CMIP: variants seen among roughly 807,000 people sequenced by gnomAD.
CMIP encodes C-Maf-inducing protein.
CMIP carries 13 observed loss-of-function variants against 97.3 expected under a neutral mutation model. The ratio of observed to expected loss-of-function variants is 0.13; its 90% CI spans 0.09 to 0.21. The LOEUF is 0.21. CMIP is among the 10% of genes least tolerant of loss of function. The pLI, the probability that CMIP is intolerant of heterozygous loss-of-function variation, is 1.00. For missense variants in CMIP, 847 were observed against 1,024.9 expected (o/e 0.83, Z 2.37); for synonymous variants, 538 against 436.3 (o/e 1.23, Z -2.91).
At chr16:81,669,907 C>G (rs551765973) in intron 7 of CMIP, among the ~76,000 whole-genome samples, 11 of 152,348 alleles carry the variant, frequency 7.2e-5, no homozygotes, top group Admixed American at 3.3e-4. Context: ...TTCTCTACAG[C>G]CAGAAGCACC....
intron 3 of CMIP, among the ~76,000 whole-genome samples, chr16:81,648,777 T>G (rs1407365730): frequency 9.8e-6 from 1 of 101,848 alleles, no homozygotes; most frequent in Non-Finnish European, 1.8e-5. Context: ...AGCAAGACTC[T>G]GTCTCAGAAA....
At chr16:81,560,326 C>T (rs1477418858) in intron 1 of CMIP, among the ~76,000 whole-genome samples, 1 of 151,424 alleles carries the variant, frequency 6.6e-6, no homozygotes, top group Non-Finnish European at 1.5e-5. Context: ...TCACGCCATT[C>T]TCCTGCCTCA....
At chr16:81,511,597 G>A (rs57021654) in intron 1 of CMIP, among the ~76,000 whole-genome samples, 2,102 of 152,258 alleles carry the variant, frequency 0.014, 64 homozygotes, top group African/African-American at 0.048. Context: ...GTCTCACTCT[G>A]TTGCTCAGGC....
At position 81,481,550 on chromosome 16, in the gene CMIP, G is replaced by C. The variant is rs190286662; in HGVS notation, c.300+36009G>C. ...TCTGCGTGGGATGGGGCCATGCCAG[G>C]GCCAGAGCGGCTCCCAGAGGGTGCT... On this transcript the variant is annotated intron_variant, in intron 1 of 20. Coordinates refer to ENST00000537098, the MANE Select transcript of CMIP (RefSeq NM_198390.3). Among the ~76,000 whole-genome samples, 4 of 152,332 alleles carry C rather than the reference G, an allele frequency of 2.6e-5. No individual in the cohort carries two copies. In the East Asian group the frequency reaches 7.7e-4, roughly 29 times the overall value.
chr16:81,525,965 T>A (rs2090123568), intron 1 of CMIP, among the ~76,000 whole-genome samples: 1 of 147,406 alleles, frequency 6.8e-6, no homozygotes, highest in Non-Finnish European at 1.5e-5. Context: ...GTTTAAAGGT[T>A]GACTAATAAT....
At chr16:81,551,379 A>G (rs2090655743) in intron 1 of CMIP, among the ~76,000 whole-genome samples, 1 of 152,264 alleles carries the variant, frequency 6.6e-6, no homozygotes, top group Non-Finnish European at 1.5e-5. Context: ...TTAGCAAGTG[A>G]CAAATGGGAC....
intron 1 of CMIP, among the ~76,000 whole-genome samples, chr16:81,605,906 A>G (rs1171460199): frequency 1.3e-5 from 2 of 152,268 alleles, no homozygotes; most frequent in Non-Finnish European, 2.9e-5. Context: ...TGAATGAAGG[A>G]ATGAATGAAA....
intron 1 of CMIP, chr16:81,603,300 C>T (rs1378868523): frequency 2.3e-6 from 1 of 432,976 alleles, no homozygotes; most frequent in African/African-American, 2.0e-5. Flanking sequence ...CCAGGATGGT[C>T]TCGATCAAGG....
intron 7 of CMIP, chr16:81,665,645 AAG>A (rs911465361): frequency 3.9e-5 from 6 of 152,186 alleles, no homozygotes; most frequent in Admixed American, 3.3e-4. Context: ...ACAACTGAAA[AAG>A]GGTAACCACA....
intron 1 of CMIP, among the ~76,000 whole-genome samples, chr16:81,478,350 C>T (rs750162779): frequency 7.9e-5 from 12 of 152,160 alleles, no homozygotes; most frequent in Non-Finnish European, 1.2e-4. Context: ...TTCTGCATGG[C>T]GCCAGCAGCT....
chr16:81,535,367 T>C (rs1388197712), intron 1 of CMIP, among the ~76,000 whole-genome samples: 2 of 152,030 alleles, frequency 1.3e-5, no homozygotes, highest in Admixed American at 6.6e-5. Context: ...CTCACATGCA[T>C]AAAATTCCAG....
At chr16:81,566,888 A>G (rs944474514) in intron 1 of CMIP, among the ~76,000 whole-genome samples, 2 of 152,246 alleles carry the variant, frequency 1.3e-5, no homozygotes, top group Non-Finnish European at 2.9e-5. Context: ...AAATGAGTAC[A>G]TAGTGTATTA....
intron 2 of CMIP, among the ~76,000 whole-genome samples, chr16:81,615,667 T>C (rs1221003905): frequency 6.7e-5 from 10 of 148,944 alleles, no homozygotes; most frequent in Non-Finnish European, 1.5e-5. Flanking sequence ...GTGGTGTGTA[T>C]GTGTCTGTGT....
At chr16:81,684,542 A>G (rs563341196) in intron 10 of CMIP, among the ~76,000 whole-genome samples, 35 of 152,240 alleles carry the variant, frequency 2.3e-4, no homozygotes, top group Non-Finnish European at 4.6e-4. Flanking sequence ...TTAAAATCCC[A>G]GCTGAGCTGC....
chr16:81,475,801 C>G (rs749886445), intron 1 of CMIP, among the ~76,000 whole-genome samples: 1 of 151,914 alleles, frequency 6.6e-6, no homozygotes, highest in Non-Finnish European at 1.5e-5. Context: ...CTGGCTAACA[C>G]GGTGAAATCC....
intron 10 of CMIP, among the ~76,000 whole-genome samples, chr16:81,689,825 T>C (rs1018220356): frequency 6.6e-6 from 1 of 152,230 alleles, no homozygotes; most frequent in Non-Finnish European, 1.5e-5. Flanking sequence ...TTGAATTAAT[T>C]TTTGCATAAG....
At chr16:81,650,464 C>T (rs780916531) in intron 3 of CMIP, among the ~76,000 whole-genome samples, 3 of 151,440 alleles carry the variant, frequency 2.0e-5, no homozygotes, top group Non-Finnish European at 2.9e-5. Flanking sequence ...GGAGAGATGA[C>T]GGGAAAGACT....
intron 1 of CMIP, among the ~76,000 whole-genome samples, chr16:81,452,013 G>C (rs891428110): frequency 6.6e-6 from 1 of 152,244 alleles, no homozygotes; most frequent in African/African-American, 2.4e-5. Flanking sequence ...AGACGTGCGT[G>C]TGGGGGAGGT....
intron 1 of CMIP, among the ~76,000 whole-genome samples, chr16:81,491,029 C>T (rs889583065): frequency 2.0e-5 from 3 of 152,118 alleles, no homozygotes; most frequent in African/African-American, 7.2e-5. Flanking sequence ...CTGGTGACTG[C>T]TTGACTGCAT....
Sources: allele counts gnomAD v4.1 joint callset (sites outside exome capture counted in the v4.1 genomes callset), GRCh38; gene constraint gnomAD v4.1.1; transcripts MANE v1.5; gene names NCBI Gene and HGNC (gene_info 2026-07-23, HGNC 2026-07-21).